SMAD1: variants seen among roughly 807,000 people sequenced by gnomAD.
The protein encoded by SMAD1 is MAD, mothers against decapentaplegic homolog 1.
Under a neutral mutation model 41.6 loss-of-function variants are expected in SMAD1, and 6 were observed. The observed-to-expected ratio is 0.14, with a 90% confidence interval of 0.08 to 0.28. The LOEUF (loss-of-function observed/expected upper bound fraction) is 0.28, where lower values mean the gene tolerates loss of function less well. Among genes scored for constraint, SMAD1 ranks in the 10% least tolerant of loss-of-function variants. The pLI is 1.00. For synonymous variants in SMAD1, 206 were observed against 203.2 expected, an observed-to-expected ratio of 1.01 and a Z score of -0.12; for missense variants, 379 against 582.6, an observed-to-expected ratio of 0.65 and a Z score of 3.60.
Position 145,539,863 on chromosome 4 carries a change from G to A in SMAD1, c.460G>A (p.Ala154Thr). Residue 154 changes from alanine (A) to threonine (T), a missense_variant, in exon 3 of 7, where the codon GCT (alanine) becomes ACT (threonine). Physicochemically the swap from Ala to Thr is moderately conservative, Grantham distance 58. Coordinates refer to ENST00000302085, the MANE Select transcript of SMAD1 (RefSeq NM_005900.3). ...SEYNPQHSLL[A>T]QFRNLGQNEP... is the part of the protein sequence containing the mutation. ...ATATAATCCTCAGCACAGCCTCTTA[G>A]CTCAGTTCCGTAACTTAGGACAAAA... is the stretch of plus-strand genomic sequence containing the variant. 1 of 1,613,958 alleles carries A rather than the reference G, an allele frequency of 6.2e-7. No homozygotes were observed.
intron 1 of SMAD1, chr4:145,497,012 G>A (rs547268773): frequency 5.3e-5 from 8 of 152,194 alleles, no homozygotes; most frequent in Admixed American, 1.3e-4. Context: ...ATAGTTAACC[G>A]TCATCCATTT....
In SMAD1 at chr4:145,515,008, G is replaced by T. The variant is rs1223655159; in HGVS notation, c.395G>T (p.Ser132Ile). Residue 132 changes from serine to isoleucine, a missense_variant, in exon 2 of 7, where the codon AGC (serine) becomes ATC (isoleucine). Coordinates refer to ENST00000302085, the MANE Select transcript of SMAD1 (RefSeq NM_005900.3). ...INPYHYKRVE[S>I]PVLPPVLVPR... is the part of the protein sequence containing the mutation. Reference sequence around the variant, plus strand: ...CCCTACCACTATAAGAGAGTAGAAAGCCCTGGTAAGTGAGTTATTTTATGT... The same window carrying T: ...CCCTACCACTATAAGAGAGTAGAAATCCCTGGTAAGTGAGTTATTTTATGT... The T allele has an allele frequency of 4.4e-6, 7 of 1,598,336 alleles. No individual in the cohort carries two copies. Among genetic ancestry groups the T allele is most frequent in the Non-Finnish European group, 6.0e-6 (7 of 1,170,544 alleles).
intron 6 of SMAD1, among the ~76,000 whole-genome samples, chr4:145,557,061 C>T (rs1732881644): frequency 6.6e-6 from 1 of 152,162 alleles, no homozygotes; most frequent in Admixed American, 6.5e-5. Flanking sequence ...CCTCATGAAA[C>T]AGTGATTAAA....
At chr4:145,503,376 T>G (rs553853314) in intron 1 of SMAD1, among the ~76,000 whole-genome samples, 20 of 152,338 alleles carry the variant, frequency 1.3e-4, no homozygotes, top group African/African-American at 4.6e-4. Context: ...TAGAGTTCAT[T>G]ATAGCCTTTT....
At position 145,515,010 on chromosome 4, in the gene SMAD1, C is replaced by T. The variant is rs761639240; in HGVS notation, c.397C>T (p.Pro133Ser). 6.3e-7 allele frequency: 1 copy of T among 1,597,508 alleles called. No homozygotes were observed. Among genetic ancestry groups the T allele is most frequent in the Non-Finnish European group, 8.5e-7 (1 of 1,170,010 alleles). The change falls in exon 2 of 7, where the codon CCT becomes TCT. Residue 133 changes from proline to serine, a missense_variant. Physicochemically the swap from Pro to Ser is moderately conservative, Grantham distance 74. Around this residue, in one of 3 missense-constraint regions of SMAD1, gnomAD observed 208 missense variants for 210.5 expected, o/e 0.99. Transcript: ENST00000302085. ...NPYHYKRVES[P>S]VLPPVLVPRH... is the part of the protein sequence containing the mutation. The stretch of plus-strand genomic sequence containing the variant: ...CTACCACTATAAGAGAGTAGAAAGC[C>T]CTGGTAAGTGAGTTATTTTATGTTG...
rs568646997 is a variant in SMAD1 at position 145,541,321 on chromosome 4, C to T, written c.658+1260C>T. On this transcript the variant is annotated intron_variant, in intron 3 of 6. Coordinates refer to ENST00000302085, the MANE Select transcript of SMAD1 (RefSeq NM_005900.3). ...CAGTTGCAAGGGATGGGAGGAGGTG[C>T]CTGTAGGAATAGTAGAATAGTATCA... Among the ~76,000 whole-genome samples the T allele has an allele frequency of 2.6e-5, 4 of 152,256 alleles. No homozygotes were observed. In the East Asian group the frequency reaches 7.7e-4, roughly 29 times the overall value.
At position 145,518,465 on chromosome 4, in the gene SMAD1, G is replaced by A. The variant is rs1458815070; in HGVS notation, c.400+3452G>A. ...GATCATGCCATTGCACTCCAGCCTG[G>A]GGGACAAGAGTGAAACTCCATCTCA... is the stretch of plus-strand genomic sequence containing the variant. On this transcript the variant is annotated intron_variant, in intron 2 of 6. Coordinates refer to ENST00000302085, the MANE Select transcript of SMAD1 (RefSeq NM_005900.3). 2.6e-5 allele frequency among the ~76,000 whole-genome samples: 3 copies of A among 116,940 alleles called. 1 individual carries two copies. The highest frequency in any genetic ancestry group is 8.3e-5 in the African/African-American group (3 of 35,994). 76.7% of individuals were successfully genotyped at this position (116,940 alleles called of 152,430 possible).
At chr4:145,543,152 A>G (rs1019719957) in intron 4 of SMAD1, among the ~76,000 whole-genome samples, 30 of 152,162 alleles carry the variant, frequency 2.0e-4, no homozygotes, top group African/African-American at 7.0e-4. Context: ...TTTTTAGTAG[A>G]GACAGGGTTT....
intron 2 of SMAD1, among the ~76,000 whole-genome samples, chr4:145,534,238 G>T (rs895368913): frequency 2.0e-5 from 3 of 152,216 alleles, no homozygotes; most frequent in African/African-American, 7.2e-5. Context: ...CTATGGTATT[G>T]TGTTACAGCA....
At chr4:145,538,866 AG>A (rs1731765688) in intron 2 of SMAD1, among the ~76,000 whole-genome samples, 1 of 152,156 alleles carries the variant, frequency 6.6e-6, no homozygotes, top group African/African-American at 2.4e-5. Flanking sequence ...GGATCTGGCT[AG>A]GGCTCTGTAA....
intron 1 of SMAD1, chr4:145,513,166 A>T (rs1009315982): frequency 2.6e-5 from 4 of 152,226 alleles, no homozygotes; most frequent in Non-Finnish European, 5.9e-5. Context: ...TGCTCATAGC[A>T]TAGCTATTGG....
intron 2 of SMAD1, among the ~76,000 whole-genome samples, chr4:145,530,001 A>G (rs1731233163): frequency 6.6e-6 from 1 of 152,224 alleles, no homozygotes; most frequent in South Asian, 2.1e-4. Context: ...GAACCCACTT[A>G]TAGTAGACAG....
chr4:145,546,662 A>AGGC (rs758597279), intron 4 of SMAD1, 41 bp from the exon 5 acceptor site: 5 of 1,434,612 alleles, frequency 3.5e-6, no homozygotes, highest in Non-Finnish European at 4.9e-6. Context: ...TGAGAGCCTG[A>AGGC]GGCACTAACC....
chr4:145,508,706 C>T (rs890676069), intron 1 of SMAD1, among the ~76,000 whole-genome samples: 11 of 152,106 alleles, frequency 7.2e-5, no homozygotes, highest in East Asian at 3.9e-4. Flanking sequence ...GTTTGTAGGC[C>T]GCTATAACAA....
chr4:145,489,526 A>T (rs1373036664), intron 1 of SMAD1, among the ~76,000 whole-genome samples: 1 of 152,238 alleles, frequency 6.6e-6, no homozygotes, highest in Non-Finnish European at 1.5e-5. Context: ...TTATGTGGCT[A>T]TAAAGTAATG....
Position 145,514,568 on chromosome 4 carries a change from C to T in SMAD1, c.-46C>T, listed in dbSNP as rs1281961456. Reference sequence around the variant, plus strand: ...TCTGCTGTCCTTTTGCATTTGGAGACAGCTTTATTTCACCATATCCAAGGA... The same window carrying T: ...TCTGCTGTCCTTTTGCATTTGGAGATAGCTTTATTTCACCATATCCAAGGA... On this transcript the variant is annotated 5_prime_UTR_variant, in exon 2 of 7. Transcript: ENST00000302085. The surrounding 1 kb of genome is among the most constrained non-coding windows in gnomAD (Gnocchi z 4.7). 2 of 1,498,444 alleles carry T rather than the reference C, an allele frequency of 1.3e-6. No homozygotes were observed. Among genetic ancestry groups the T allele is most frequent in the Non-Finnish European group, 9.0e-7 (1 of 1,116,714 alleles). 92.8% of individuals were successfully genotyped at this position (1,498,444 alleles called of 1,614,324 possible). A position where few individuals can be genotyped will look rare whatever the true frequency, so the allele number is the denominator to read the frequency against.
At chr4:145,522,123 C>T (rs539927940) in intron 2 of SMAD1, among the ~76,000 whole-genome samples, 1 of 151,746 alleles carries the variant, frequency 6.6e-6, no homozygotes, top group South Asian at 2.1e-4. Flanking sequence ...GGTGAAACCC[C>T]GTCTCTGCTA....
intron 6 of SMAD1, 51 bp downstream of exon 6, chr4:145,554,091 C>CTTTTTTTTTTTTT (rs10715854): frequency 9.6e-7 from 1 of 1,038,300 alleles, no homozygotes. Flanking sequence ...TTTTGCTGTG[C>CTTTTTTTTTTTTT]TTTTTTTTTT....
At chr4:145,512,024 C>T (rs1244283586) in intron 1 of SMAD1, among the ~76,000 whole-genome samples, 2 of 152,136 alleles carry the variant, frequency 1.3e-5, no homozygotes, top group Non-Finnish European at 2.9e-5. Context: ...TGTGTTTTTC[C>T]TCTAAATGTA....
Sources: allele counts gnomAD v4.1 joint callset (sites outside exome capture counted in the v4.1 genomes callset), GRCh38; gene constraint gnomAD v4.1.1; regional missense constraint gnomAD v4.1.1; non-coding constraint Gnocchi (gnomAD v3.1); transcripts MANE v1.5; gene names NCBI Gene and HGNC (gene_info 2026-07-23, HGNC 2026-07-21).